The following ASPRV1 variants were observed in gnomAD, a reference collection of about 807,000 sequenced individuals.
ASPRV1 encodes aspartic peptidase retroviral like 1.
Under a neutral mutation model 11.0 loss-of-function variants are expected in ASPRV1, and 7 were observed. The ratio of observed to expected loss-of-function variants is 0.64; its 90% CI spans 0.36 to 1.20. The LOEUF (loss-of-function observed/expected upper bound fraction) is 1.20, where lower values mean the gene tolerates loss of function less well. ASPRV1 is among the 50% of genes most tolerant of loss of function. The probability of loss-of-function intolerance (pLI) is 0.02; values close to 1 mark genes in which losing one functional copy is unlikely to be tolerated. For missense variants in ASPRV1, 299 were observed against 320.0 expected (o/e 0.93, Z 0.50); for synonymous variants, 136 against 138.4 (o/e 0.98, Z 0.12).
At chr2:70,019,477 C>T in the ASPRV1 span, among the ~76,000 whole-genome samples, 1 of 152,144 alleles carries the variant, frequency 6.6e-6, no homozygotes, top group Non-Finnish European at 1.5e-5. Context: ...TTCATTACAG[C>T]ATTATTCACA....
the ASPRV1 span, among the ~76,000 whole-genome samples, chr2:69,973,334 C>T: frequency 6.6e-6 from 1 of 152,038 alleles, no homozygotes; most frequent in East Asian, 1.9e-4. Flanking sequence ...TTTGTACCAA[C>T]TAGCAAGAAA....
chr2:70,044,210 A>G, the ASPRV1 span, among the ~76,000 whole-genome samples: 1 of 152,214 alleles, frequency 6.6e-6, no homozygotes, highest in Non-Finnish European at 1.5e-5. Context: ...CAAAGATTTA[A>G]ATCAAGAAAA....
the ASPRV1 span, chr2:70,032,322 G>A: frequency 6.6e-6 from 1 of 152,176 alleles, no homozygotes; most frequent in Non-Finnish European, 1.5e-5. Flanking sequence ...TCCTCCCTCA[G>A]CTGCTCAGAC....
At chr2:70,075,970 G>C in the ASPRV1 span, among the ~76,000 whole-genome samples, 1 of 152,158 alleles carries the variant, frequency 6.6e-6, no homozygotes, top group Non-Finnish European at 1.5e-5. Context: ...CTTACTTATG[G>C]TCCAAAAAGC....
the ASPRV1 span, among the ~76,000 whole-genome samples, chr2:70,062,474 T>TC: frequency 1.3e-5 from 2 of 152,082 alleles, no homozygotes; most frequent in Non-Finnish European, 2.9e-5. Flanking sequence ...CAGCGCCCCC[T>TC]CTCTCACCCT....
chr2:69,950,378 T>A, the ASPRV1 span, among the ~76,000 whole-genome samples: 23 of 152,182 alleles, frequency 1.5e-4, no homozygotes, highest in African/African-American at 4.6e-4. Flanking sequence ...GGTTTGACAA[T>A]CTGTTTGAGA....
upstream of ASPRV1, chr2:69,964,248 C>G (rs1300995166): frequency 5.1e-6 from 2 of 392,776 alleles, no homozygotes; most frequent in Non-Finnish European, 1.0e-5. Flanking sequence ...CCATCCTTCC[C>G]CACAATCTTT....
the ASPRV1 span, among the ~76,000 whole-genome samples, chr2:70,007,119 C>T: frequency 1.6e-4 from 25 of 152,328 alleles, no homozygotes; most frequent in South Asian, 5.2e-3. Flanking sequence ...TCAATAAATG[C>T]TAGCTAAAAA....
In ASPRV1 at chr2:69,961,400, G is replaced by C; in HGVS notation, c.37C>G (p.Arg13Gly). 1 of 1,614,038 alleles carries C rather than the reference G, an allele frequency of 6.2e-7. No homozygotes were observed. Residue 13 changes from arginine (R) to glycine (G), a missense_variant, in exon 1 of 1, where the codon CGG becomes GGG. Coordinates refer to ENST00000320256, the MANE Select transcript of ASPRV1 (RefSeq NM_152792.4). ...GGTTCCGGGACGAAGGCATGCTGCCGGCGGCCTTCCTCACTCCTGGCTCCG... is the reference window on the plus strand; with the variant it reads ...GGTTCCGGGACGAAGGCATGCTGCCCGCGGCCTTCCTCACTCCTGGCTCCG... ...GSGARSEEGR[R>G]QHAFVPEPFD...
the ASPRV1 span, among the ~76,000 whole-genome samples, chr2:69,987,667 T>C: frequency 1.3e-5 from 2 of 152,052 alleles, no homozygotes; most frequent in Non-Finnish European, 2.9e-5. Context: ...GGAAGATCAC[T>C]TGAGCCCATG....
chr2:70,042,820 A>G, the ASPRV1 span, among the ~76,000 whole-genome samples: 2 of 152,208 alleles, frequency 1.3e-5, no homozygotes, highest in East Asian at 3.8e-4. Context: ...AGGACAGGCC[A>G]TTCCTAGGCT....
chr2:70,083,782 T>C, the ASPRV1 span: 1 of 152,162 alleles, frequency 6.6e-6, no homozygotes. Flanking sequence ...TCATCAAATA[T>C]CATCAGTCCC....
At chr2:70,074,884 AG>A in the ASPRV1 span, 1 of 151,496 alleles carries the variant, frequency 6.6e-6, no homozygotes, top group African/African-American at 2.4e-5. Context: ...TGGGAAGCCG[AG>A]GCAGGCGGAT....
At chr2:70,047,766 AG>A in the ASPRV1 span, among the ~76,000 whole-genome samples, 2 of 152,200 alleles carry the variant, frequency 1.3e-5, no homozygotes, top group Admixed American at 6.5e-5. Flanking sequence ...TCTGATTTAC[AG>A]TATGAAGCAG....
In ASPRV1 at chr2:69,960,779, T is replaced by A; in HGVS notation, c.658A>T (p.Thr220Ser). 6.2e-7 allele frequency: 1 copy of A among 1,613,998 alleles called. No individual in the cohort carries two copies. Among genetic ancestry groups the A allele is most frequent in the Non-Finnish European group, 8.5e-7 (1 of 1,179,974 alleles). The part of the protein sequence containing the change: ...AILDFEHRTC[T>S]LKGKKFRLLP... ...AGGCGAAACTTCTTCCCTTTCAGGG[T>A]GCATGTGCGGTGCTCAAAGTCCAGG... The change falls in exon 1 of 1, where the codon ACC becomes TCC. Residue 220 changes from threonine (T) to serine (S), a missense_variant. Transcript: ENST00000320256.
At chr2:70,043,344 G>A in the ASPRV1 span, among the ~76,000 whole-genome samples, 1 of 152,106 alleles carries the variant, frequency 6.6e-6, no homozygotes, top group South Asian at 2.1e-4. Context: ...CTTGAACCCA[G>A]GAGGTGGAAG....
chr2:70,032,870 G>A, the ASPRV1 span, among the ~76,000 whole-genome samples: 6 of 152,056 alleles, frequency 3.9e-5, no homozygotes, highest in Non-Finnish European at 7.4e-5. Flanking sequence ...GTCCTTTGTT[G>A]GGAAGTTTGC....
chr2:70,050,585 T>TG, the ASPRV1 span: 1 of 151,988 alleles, frequency 6.6e-6, no homozygotes, highest in East Asian at 1.9e-4. Context: ...AATGACAAAA[T>TG]GGGAACAATT....
the ASPRV1 span, among the ~76,000 whole-genome samples, chr2:70,080,739 T>C: frequency 5.9e-5 from 9 of 152,362 alleles, no homozygotes; most frequent in African/African-American, 2.4e-5. Flanking sequence ...ACTAGTGAAG[T>C]AGCAAAACAA....
Sources: allele counts gnomAD v4.1 joint callset (sites outside exome capture counted in the v4.1 genomes callset), GRCh38; gene constraint gnomAD v4.1.1; transcripts MANE v1.5; gene names NCBI Gene and HGNC (gene_info 2026-07-23, HGNC 2026-07-21).